The following DGKD variants were observed in gnomAD, a reference collection of about 807,000 sequenced individuals.
DGKD encodes diacylglycerol kinase delta.
In DGKD, 68 loss-of-function variants were observed where a neutral mutation model predicts 154.4. The observed-to-expected ratio is 0.44, with a 90% CI of 0.36 to 0.54. The LOEUF is 0.54. DGKD is among the 20% of genes least tolerant of loss of function. DGKD has a pLI of 0.00. For missense variants in DGKD, 1,343 were observed against 1,593.6 expected (o/e 0.84, Z 2.68); for synonymous variants, 693 against 638.0 (o/e 1.09, Z -1.30).
chr2:233,362,037 A>G (rs1701807220), intron 1 of DGKD, among the ~76,000 whole-genome samples: 2 of 152,194 alleles, frequency 1.3e-5, no homozygotes, highest in South Asian at 4.1e-4. Context: ...ATCTCAGGTG[A>G]TCTGCCCGCC....
intron 14 of DGKD, among the ~76,000 whole-genome samples, chr2:233,448,704 C>T (rs1482740973): frequency 6.6e-6 from 1 of 152,210 alleles, no homozygotes; most frequent in African/African-American, 2.4e-5. Context: ...TGGTAGCTTG[C>T]ATTCAGTCTG....
At chr2:233,378,423 A>AC (rs2125413042) in intron 1 of DGKD, among the ~76,000 whole-genome samples, 1 of 151,512 alleles carries the variant, frequency 6.6e-6, no homozygotes, top group East Asian at 2.0e-4. Flanking sequence ...AAAAAAAAAA[A>AC]AAAACTTGTA....
chr2:233,425,226 G>A (rs1016174550), intron 3 of DGKD, among the ~76,000 whole-genome samples: 8 of 151,286 alleles, frequency 5.3e-5, no homozygotes, highest in African/African-American at 7.3e-5. Flanking sequence ...ACACCCTGTC[G>A]CCCAGGCTGG....
chr2:233,413,914 A>T (rs531963967), intron 3 of DGKD, among the ~76,000 whole-genome samples: 1 of 152,286 alleles, frequency 6.6e-6, no homozygotes, highest in South Asian at 2.1e-4. Flanking sequence ...ACTTCTTTTC[A>T]TTTTTACAAT....
intron 3 of DGKD, chr2:233,419,539 G>A: frequency 1.4e-6 from 1 of 729,394 alleles, no homozygotes; most frequent in Non-Finnish European, 1.7e-6. Flanking sequence ...TGCTCCAGAG[G>A]GTTGCTTCTT....
chr2:233,443,927 G>A (rs1355939091), intron 10 of DGKD, among the ~76,000 whole-genome samples: 12 of 152,124 alleles, frequency 7.9e-5, no homozygotes, highest in Non-Finnish European at 1.8e-4. Context: ...CTGCCGCCTC[G>A]GGGTTTCTTG....
chr2:233,444,390 G>A (rs1224282755), intron 10 of DGKD, among the ~76,000 whole-genome samples: 2 of 151,908 alleles, frequency 1.3e-5, no homozygotes, highest in African/African-American at 4.8e-5. Context: ...CACCCCCCAA[G>A]CACGATGCTT....
Position 233,388,252 on chromosome 2 carries a change from T to C in DGKD, c.157-5T>C. 6.2e-7 allele frequency: 1 copy of C among 1,611,488 alleles called. No homozygotes were observed. The highest frequency in any genetic ancestry group is 8.5e-7 in the Non-Finnish European group (1 of 1,179,376). ...AAGTTTATGAATATGTTTCTGTACT[T>C]TCAGACCATCATCAAAGAGGGGATG... On this transcript the variant is annotated splice_polypyrimidine_tract_variant and splice_region_variant and intron_variant, in intron 1 of 29. Coordinates refer to ENST00000264057, the MANE Select transcript of DGKD (RefSeq NM_152879.3).
At chr2:233,380,520 G>A (rs1702833887) in intron 1 of DGKD, among the ~76,000 whole-genome samples, 1 of 152,190 alleles carries the variant, frequency 6.6e-6, no homozygotes, top group African/African-American at 2.4e-5. Flanking sequence ...TACCAGCCAA[G>A]CACTTGCCTA....
At chr2:233,434,940 C>A in intron 5 of DGKD, 39 bp downstream of exon 5, 4 of 1,586,086 alleles carry the variant, frequency 2.5e-6, no homozygotes, top group Non-Finnish European at 2.6e-6. Context: ...GGAAAGGTGG[C>A]CTGGCATTTT....
In DGKD at chr2:233,354,755, C is replaced by G; in HGVS notation, c.156+81C>G. 1.1e-6 allele frequency: 1 copy of G among 869,570 alleles called. No individual in the cohort carries two copies. The highest frequency in any genetic ancestry group is 1.4e-6 in the Non-Finnish European group (1 of 727,672). The allele number at this position is 869,570 out of a possible 1,614,324, so 53.9% of individuals were successfully genotyped here. A position where few individuals can be genotyped will look rare whatever the true frequency, so the allele number is the denominator to read the frequency against. ...GCCGAGGCCCGTGGCCCTGCCCGAG[C>G]GGCCGCCCAGGCCCGGCTCGGCCCG... On this transcript the variant is annotated intron_variant, in intron 1 of 29. Transcript: ENST00000264057. The surrounding 1 kb of genome is among the most constrained non-coding windows in gnomAD (Gnocchi z 4.8).
chr2:233,405,984 A>G (rs2061676895), intron 3 of DGKD, among the ~76,000 whole-genome samples: 1 of 152,204 alleles, frequency 6.6e-6, no homozygotes, highest in African/African-American at 2.4e-5. Context: ...AAGAAATGTA[A>G]TTCTATCACA....
Position 233,438,460 on chromosome 2 carries a change from C to A in DGKD, c.1085+81C>A. ...GTGTGCTTGTTAAAAAAAAAAAGTT[C>A]AAAGACACAAAGCTTTAAATAGGAA... On this transcript the variant is annotated intron_variant, in intron 9 of 29. Transcript: ENST00000264057. The surrounding 1 kb of genome is among the most constrained non-coding windows in gnomAD (Gnocchi z 4.1). The A allele has an allele frequency of 1.4e-6, 2 of 1,448,764 alleles. No individual in the cohort carries two copies. Among genetic ancestry groups the A allele is most frequent in the East Asian group, 2.3e-5 (1 of 43,290 alleles). The allele number at this position is 1,448,764 out of a possible 1,614,324, so 89.7% of individuals were successfully genotyped here. A position where few individuals can be genotyped will look rare whatever the true frequency, so the allele number is the denominator to read the frequency against.
chr2:233,467,998 C>T (rs1385442319), intron 28 of DGKD, among the ~76,000 whole-genome samples: 2 of 152,128 alleles, frequency 1.3e-5, no homozygotes, highest in Non-Finnish European at 2.9e-5. Flanking sequence ...ATCATGAGGA[C>T]ATTTCCCTCA....
chr2:233,359,912 T>C (rs1024569137), intron 1 of DGKD, among the ~76,000 whole-genome samples: 2 of 152,150 alleles, frequency 1.3e-5, no homozygotes, highest in African/African-American at 4.8e-5. Context: ...GAGGACATCA[T>C]AGGTGAATTT....
intron 12 of DGKD, chr2:233,447,492 G>C: frequency 7.1e-6 from 7 of 985,170 alleles, no homozygotes; most frequent in Non-Finnish European, 7.2e-6. Context: ...AGACTGGTTT[G>C]TACATTTTTT....
Position 233,457,546 on chromosome 2 carries a change from T to C in DGKD, c.2580+218T>C. On this transcript the variant is annotated intron_variant, in intron 21 of 29. Transcript: ENST00000264057. The surrounding 1 kb of genome is among the most constrained non-coding windows in gnomAD (Gnocchi z 5.5). ...TCAGTGAAGGTGGTCAGTGAGGGTC[T>C]GTGGTCAGCAGATGTGGTCAGCGGG... 1 of 658,636 alleles carries C rather than the reference T, an allele frequency of 1.5e-6. No individual in the cohort carries two copies. The highest frequency in any genetic ancestry group is 2.8e-6 in the Non-Finnish European group (1 of 356,090). 40.8% of individuals were successfully genotyped at this position (658,636 alleles called of 1,614,324 possible).
intron 27 of DGKD, among the ~76,000 whole-genome samples, chr2:233,466,595 C>G (rs986730894): frequency 6.6e-6 from 1 of 152,134 alleles, no homozygotes; most frequent in Non-Finnish European, 1.5e-5. Flanking sequence ...AGAGGCCGAG[C>G]CTCTGTGTGG....
chr2:233,468,586 C>T lies in DGKD; in HGVS notation c.3555+33C>T, dbSNP rs370887898. ...CATAGGCGTCTCCCTGGAACCTGCA[C>T]TTGGGCTTGCACGCAGCTCCCTTCT... On this transcript the variant is annotated intron_variant, in intron 29 of 29. Coordinates refer to ENST00000264057, the MANE Select transcript of DGKD (RefSeq NM_152879.3). The T allele has an allele frequency of 2.2e-5, 35 of 1,611,756 alleles. No individual in the cohort carries two copies. The African/African-American group carries it at 3.5e-4, about 16-fold the overall frequency.
Sources: allele counts gnomAD v4.1 joint callset (sites outside exome capture counted in the v4.1 genomes callset), GRCh38; gene constraint gnomAD v4.1.1; non-coding constraint Gnocchi (gnomAD v3.1); transcripts MANE v1.5; gene names NCBI Gene and HGNC (gene_info 2026-07-23, HGNC 2026-07-21).